GALNTL6: variants seen among roughly 807,000 people sequenced by gnomAD.
The protein encoded by GALNTL6 is polypeptide N-acetylgalactosaminyltransferase like 6.
Under a neutral mutation model 73.7 loss-of-function variants are expected in GALNTL6, and 46 were observed. The ratio of observed to expected loss-of-function variants is 0.62; its 90% confidence interval spans 0.49 to 0.80. GALNTL6 has a LOEUF of 0.80. Ranked by LOEUF, GALNTL6 falls within the 30% of genes least tolerant of loss-of-function variation. GALNTL6 has a pLI of 0.00. For synonymous variants in GALNTL6, 259 were observed against 263.7 expected (o/e 0.98, Z 0.17); for missense variants, 604 against 755.0 (o/e 0.80, Z 2.34).
intron 2 of GALNTL6, among the ~76,000 whole-genome samples, chr4:171,925,212 A>T (rs1560843794): frequency 6.6e-6 from 1 of 152,176 alleles, no homozygotes; most frequent in East Asian, 1.9e-4. Context: ...GCCAGACAGG[A>T]TGCTCAAGAA....
intron 5 of GALNTL6, among the ~76,000 whole-genome samples, chr4:172,500,581 T>C (rs868575489): frequency 1.3e-5 from 2 of 151,986 alleles, no homozygotes; most frequent in African/African-American, 4.8e-5. Flanking sequence ...ATAATTTTTT[T>C]AAAATCTACC....
At chr4:172,899,710 G>A (rs1479600243) in intron 8 of GALNTL6, among the ~76,000 whole-genome samples, 1 of 152,148 alleles carries the variant, frequency 6.6e-6, no homozygotes, top group East Asian at 1.9e-4. Context: ...GAAAGTAAAG[G>A]AATAAAAGAA....
intron 2 of GALNTL6, among the ~76,000 whole-genome samples, chr4:172,228,605 A>G (rs1235229491): frequency 6.6e-6 from 1 of 152,054 alleles, no homozygotes; most frequent in Non-Finnish European, 1.5e-5. Flanking sequence ...AAATTACCTC[A>G]CTGAAATTAT....
intron 2 of GALNTL6, among the ~76,000 whole-genome samples, chr4:172,089,353 C>A (rs1476360550): frequency 6.6e-6 from 1 of 152,158 alleles, no homozygotes; most frequent in East Asian, 1.9e-4. Context: ...GGAGGGCAGA[C>A]AGCGGCAATC....
intron 8 of GALNTL6, among the ~76,000 whole-genome samples, chr4:172,890,165 A>C (rs1435459330): frequency 6.6e-6 from 1 of 151,900 alleles, no homozygotes; most frequent in Non-Finnish European, 1.5e-5. Flanking sequence ...TAATCTTGCT[A>C]GCGGTCTATT....
chr4:172,438,896 A>G (rs10016275), intron 5 of GALNTL6, among the ~76,000 whole-genome samples: 3,327 of 152,106 alleles, frequency 0.022, 107 homozygotes, highest in African/African-American at 0.075. Context: ...GAATTTCTGC[A>G]TGTTCCCACA....
intron 5 of GALNTL6, among the ~76,000 whole-genome samples, chr4:172,473,369 C>T (rs182184776): frequency 2.2e-4 from 33 of 152,288 alleles, no homozygotes; most frequent in African/African-American, 7.0e-4. Flanking sequence ...CCCATCCCTT[C>T]GTTGTTTTGC....
intron 5 of GALNTL6, among the ~76,000 whole-genome samples, chr4:172,495,107 GCAAT>G (rs1485869945): frequency 1.3e-5 from 2 of 152,166 alleles, no homozygotes; most frequent in Non-Finnish European, 1.5e-5. Flanking sequence ...GGGAAAGAGA[GCAAT>G]CAGAGTGGAT....
intron 10 of GALNTL6, among the ~76,000 whole-genome samples, chr4:172,994,284 T>A (rs1222458454): frequency 6.6e-6 from 1 of 152,226 alleles, no homozygotes; most frequent in Non-Finnish European, 1.5e-5. Context: ...TGAATTTTCC[T>A]TGCTACAGGA....
At chr4:172,984,268 A>G (rs1220036962) in intron 10 of GALNTL6, among the ~76,000 whole-genome samples, 2 of 152,228 alleles carry the variant, frequency 1.3e-5, no homozygotes, top group African/African-American at 4.8e-5. Context: ...GAGAGGCCTC[A>G]GAAAACTTAC....
At chr4:172,088,458 A>G (rs1458106905) in intron 2 of GALNTL6, among the ~76,000 whole-genome samples, 2 of 152,236 alleles carry the variant, frequency 1.3e-5, no homozygotes, top group African/African-American at 2.4e-5. Context: ...ACAGATGTGT[A>G]TAACGCCTTC....
chr4:172,870,423 G>A (rs774125407), intron 7 of GALNTL6, among the ~76,000 whole-genome samples: 6 of 152,110 alleles, frequency 3.9e-5, no homozygotes, highest in Admixed American at 6.5e-5. Context: ...TTTTGTTACC[G>A]GTGAGTTTAA....
At chr4:172,135,160 C>T (rs1733603776) in intron 2 of GALNTL6, among the ~76,000 whole-genome samples, 3 of 152,040 alleles carry the variant, frequency 2.0e-5, no homozygotes, top group Admixed American at 1.3e-4. Context: ...ATAATTATAA[C>T]TTAAATATTA....
intron 5 of GALNTL6, among the ~76,000 whole-genome samples, chr4:172,636,332 G>C (rs919283009): frequency 6.6e-6 from 1 of 152,158 alleles, no homozygotes; most frequent in Admixed American, 6.5e-5. Context: ...GCTTGTAGTA[G>C]ACTGAATACT....
chr4:172,806,999 G>A (rs1488476293), intron 5 of GALNTL6, among the ~76,000 whole-genome samples: 1 of 152,134 alleles, frequency 6.6e-6, no homozygotes, highest in South Asian at 2.1e-4. Flanking sequence ...GACACATAAC[G>A]GCGTCCTTGT....
At chr4:172,003,939 A>G (rs765674214) in intron 2 of GALNTL6, among the ~76,000 whole-genome samples, 1 of 152,134 alleles carries the variant, frequency 6.6e-6, no homozygotes, top group Non-Finnish European at 1.5e-5. Flanking sequence ...AATTTACGGA[A>G]ATATTTTTGG....
At position 172,689,288 on chromosome 4, in the gene GALNTL6, G is replaced by A. The variant is rs115294427; in HGVS notation, c.554-120073G>A. On this transcript the variant is annotated intron_variant, in intron 5 of 12. Coordinates refer to ENST00000506823, the MANE Select transcript of GALNTL6 (RefSeq NM_001034845.3). ...ATATAGTGAAAGTAGAATTGGATAC[G>A]GAGTTAAAATACTTCGCTATTATTT... Among the ~76,000 whole-genome samples the A allele has an allele frequency of 7.5e-3, 1,147 of 152,162 alleles. 12 individuals are homozygous for A. The highest frequency in any genetic ancestry group is 0.026 in the African/African-American group (1,087 of 41,516).
Position 172,613,855 on chromosome 4 carries a change from C to T in GALNTL6, c.554-195506C>T, listed in dbSNP as rs73869565. Among the ~76,000 whole-genome samples the T allele has an allele frequency of 8.5e-3, 1,297 of 152,164 alleles. 16 individuals are homozygous for T. The highest frequency in any genetic ancestry group is 0.027 in the African/African-American group (1,103 of 41,514). ...AAAAACTGGGATCAAGCCTGAAACC[C>T]CTTTGTCTCTGCAGCAAGTGTATCA... On this transcript the variant is annotated intron_variant, in intron 5 of 12. Transcript: ENST00000506823.
At chr4:172,172,759 A>G (rs1353118312) in intron 2 of GALNTL6, among the ~76,000 whole-genome samples, 1 of 152,222 alleles carries the variant, frequency 6.6e-6, no homozygotes, top group Non-Finnish European at 1.5e-5. Context: ...CAGAGTTACA[A>G]AAGCCGCCAG....
Sources: allele counts gnomAD v4.1 joint callset (sites outside exome capture counted in the v4.1 genomes callset), GRCh38; gene constraint gnomAD v4.1.1; transcripts MANE v1.5; gene names NCBI Gene and HGNC (gene_info 2026-07-23, HGNC 2026-07-21).